DUSP14: variants seen among roughly 807,000 people sequenced by gnomAD.
DUSP14 encodes the protein dual specificity protein phosphatase 14.
Under a neutral mutation model 13.2 loss-of-function variants are expected in DUSP14, and 5 were observed. The ratio of observed to expected loss-of-function variants is 0.38; its 90% CI spans 0.20 to 0.80. The LOEUF is 0.80. Ranked by LOEUF, DUSP14 falls within the 30% of genes least tolerant of loss-of-function variation. The pLI is 0.44. For synonymous variants in DUSP14, 91 were observed against 103.4 expected (o/e 0.88, Z 0.73); for missense variants, 185 against 264.0 (o/e 0.70, Z 2.07).
chr17:37,508,372 G>A lies in DUSP14; in HGVS notation c.-180-2305G>A, dbSNP rs76181136. Among the ~76,000 whole-genome samples, 266 of 152,304 alleles carry A rather than the reference G, an allele frequency of 1.7e-3. 1 individual carries two copies. Among genetic ancestry groups the A allele is most frequent in the African/African-American group, 5.4e-3 (226 of 41,564 alleles). On this transcript the variant is annotated intron_variant, in intron 1 of 2. Coordinates refer to ENST00000617516, the MANE Select transcript of DUSP14 (RefSeq NM_007026.4). ...TGGGGAAAGGTCCAGCAGTCTGTGCGCACAGCCCTCTGGGGGATTCTGAGG... is the reference window on the plus strand; with the variant it reads ...TGGGGAAAGGTCCAGCAGTCTGTGCACACAGCCCTCTGGGGGATTCTGAGG...
chr17:37,511,938 C>CCCCTCTTTTT, intron 2 of DUSP14, among the ~76,000 whole-genome samples: 1 of 38,248 alleles, frequency 2.6e-5, no homozygotes, highest in Non-Finnish European at 4.6e-5. Flanking sequence ...CCCCACCCCA[C>CCCCTCTTTTT]TTTTTTTTTT....
Position 37,508,039 on chromosome 17 carries a change from C to T in DUSP14, c.-180-2638C>T, listed in dbSNP as rs924733109. 2.0e-5 allele frequency among the ~76,000 whole-genome samples: 3 copies of T among 152,246 alleles called. No homozygotes were observed. The South Asian group carries it at 6.2e-4, about 32-fold the overall frequency. ...ATGTGACTGCGTCCTTGTTCCTCCT[C>T]ATGCTGTGATTTCACCTGTGGACTG... On this transcript the variant is annotated intron_variant, in intron 1 of 2. Coordinates refer to ENST00000617516, the MANE Select transcript of DUSP14 (RefSeq NM_007026.4).
intron 1 of DUSP14, among the ~76,000 whole-genome samples, chr17:37,505,635 CTTT>C (rs35707292): frequency 2.7e-4 from 33 of 120,934 alleles, no homozygotes; most frequent in East Asian, 9.7e-4. Flanking sequence ...TGGTTGTCAT[CTTT>C]TTTTTTTTTT....
chr17:37,490,675 A>G (rs1247701900), intron 1 of DUSP14, among the ~76,000 whole-genome samples: 1 of 151,804 alleles, frequency 6.6e-6, no homozygotes, highest in Non-Finnish European at 1.5e-5. Context: ...GGAGCGACTT[A>G]CAAATGCAGT....
rs1304143548 is a variant in DUSP14 at position 37,512,906 on chromosome 17, CG to C, written c.*39del. 9.1e-6 allele frequency: 14 copies of C among 1,534,100 alleles called. No homozygotes were observed. The East Asian group carries it at 2.7e-4, about 30-fold the overall frequency. On this transcript the variant is annotated 3_prime_UTR_variant, in exon 3 of 3. Coordinates refer to ENST00000617516, the MANE Select transcript of DUSP14 (RefSeq NM_007026.4). This position sits in a 1 kb window ranked among gnomAD's most constrained non-coding sequence, Gnocchi z 4.8. ...CCTGCGTCAGCAGCCCGAGCGGGGCCGGCATCTGCTCCCCGCCGTCTGCTCC... is the reference window on the plus strand; with the variant it reads ...CCTGCGTCAGCAGCCCGAGCGGGGCCGCATCTGCTCCCCGCCGTCTGCTCC...
Position 37,511,609 on chromosome 17 carries a change from C to G in DUSP14, c.-92-572C>G, listed in dbSNP as rs1354463940. The stretch of plus-strand genomic sequence containing the variant: ...CCTTTTTTTTTTTTTTTTTTAGAAG[C>G]TGGGTCTCCCTGTTGCCCAGGTTGC... On this transcript the variant is annotated intron_variant, in intron 2 of 2. Coordinates refer to ENST00000617516, the MANE Select transcript of DUSP14 (RefSeq NM_007026.4). Among the ~76,000 whole-genome samples the G allele has an allele frequency of 3.9e-4, 8 of 20,462 alleles. No homozygotes were observed. The East Asian group carries it at 0.049, about 126-fold the overall frequency. 13.4% of individuals were successfully genotyped at this position (20,462 alleles called of 152,430 possible).
chr17:37,493,095 A>C (rs2054039970), intron 1 of DUSP14, among the ~76,000 whole-genome samples: 1 of 152,042 alleles, frequency 6.6e-6, no homozygotes, highest in Non-Finnish European at 1.5e-5. Context: ...ATTTTAAAAG[A>C]TTTATCCATA....
intron 1 of DUSP14, chr17:37,509,911 A>G (rs954798106): frequency 2.0e-5 from 3 of 150,816 alleles, no homozygotes; most frequent in African/African-American, 7.5e-5. Flanking sequence ...GAGCTGTAAA[A>G]AAAACACGAC....
chr17:37,500,013 AC>A (rs1160414096), intron 1 of DUSP14, among the ~76,000 whole-genome samples: 2 of 152,322 alleles, frequency 1.3e-5, no homozygotes, highest in South Asian at 2.1e-4. Context: ...TGGCACAGAC[AC>A]CCAGTTGCCC....
At chr17:37,509,207 T>C (rs1184259363) in intron 1 of DUSP14, among the ~76,000 whole-genome samples, 2 of 125,548 alleles carry the variant, frequency 1.6e-5, no homozygotes, top group Non-Finnish European at 3.3e-5. Flanking sequence ...GTACTATATA[T>C]GTATATATAC....
chr17:37,493,429 T>G (rs2054042169), intron 1 of DUSP14, among the ~76,000 whole-genome samples: 1 of 152,236 alleles, frequency 6.6e-6, no homozygotes, highest in Non-Finnish European at 1.5e-5. Flanking sequence ...TTGTACCAAT[T>G]TACATTCCTT....
intron 1 of DUSP14, among the ~76,000 whole-genome samples, chr17:37,496,845 C>T (rs533196424): frequency 1.8e-4 from 27 of 146,466 alleles, no homozygotes; most frequent in Middle Eastern, 7.3e-3. Flanking sequence ...GAACCCAGGA[C>T]GAGGCAGTTG....
chr17:37,512,837 TCCCGACA>T lies in DUSP14; in HGVS notation c.568_574del (p.Arg190Ter), dbSNP rs774379339. The T allele has an allele frequency of 2.5e-6, 4 of 1,607,136 alleles. No individual in the cohort carries two copies. The Middle Eastern group carries it at 5.0e-4, about 199-fold the overall frequency. On this transcript the variant is annotated frameshift_variant, in exon 3 of 3. Transcript: ENST00000617516. LOFTEE classifies it high-confidence loss of function. The surrounding 1 kb of genome is among the most constrained non-coding windows in gnomAD (Gnocchi z 4.8). The stretch of plus-strand genomic sequence containing the variant: ...AGTTCCCGACGTCTATGAGAAGGAG[TCCCGACA>T]CCTGATGCCTTACTGGGGGATTTAG...
At chr17:37,497,581 G>T (rs1261284765) in intron 1 of DUSP14, among the ~76,000 whole-genome samples, 1 of 151,900 alleles carries the variant, frequency 6.6e-6, no homozygotes, top group East Asian at 1.9e-4. Context: ...GGGCAACATG[G>T]CAAAACCCTG....
intron 1 of DUSP14, among the ~76,000 whole-genome samples, chr17:37,494,200 A>C (rs2054048597): frequency 6.6e-6 from 1 of 151,982 alleles, no homozygotes; most frequent in Non-Finnish European, 1.5e-5. Flanking sequence ...TCACCATGTT[A>C]GTCAGAATGG....
chr17:37,511,309 CAG>C (rs1333054554), intron 2 of DUSP14, among the ~76,000 whole-genome samples: 2 of 152,112 alleles, frequency 1.3e-5, no homozygotes, highest in African/African-American at 2.4e-5. Context: ...TGTTTTGAGA[CAG>C]AGTCTGTCAC....
chr17:37,497,084 C>T (rs1217034312), intron 1 of DUSP14, among the ~76,000 whole-genome samples: 1 of 152,014 alleles, frequency 6.6e-6, no homozygotes, highest in African/African-American at 2.4e-5. Flanking sequence ...CCCACTGAGA[C>T]AACCACTCCC....
chr17:37,507,084 C>G (rs1036453986), intron 1 of DUSP14, among the ~76,000 whole-genome samples: 13 of 152,312 alleles, frequency 8.5e-5, no homozygotes, highest in South Asian at 4.1e-4. Flanking sequence ...CCTAGTTTCA[C>G]TTCTCAAGTT....
chr17:37,504,298 C>T (rs1031151597), intron 1 of DUSP14, among the ~76,000 whole-genome samples: 2 of 152,206 alleles, frequency 1.3e-5, no homozygotes, highest in Non-Finnish European at 2.9e-5. Context: ...CCTGGTCACA[C>T]CTACATAGGC....
Sources: gnomAD v4.1 joint callset for allele counts (sites outside exome capture counted in the v4.1 genomes callset) on GRCh38, gnomAD v4.1.1 for gene constraint, Gnocchi (gnomAD v3.1) non-coding constraint, MANE v1.5 for transcripts, NCBI Gene and HGNC (gene_info 2026-07-23, HGNC 2026-07-21) for gene names.